The following PHACTR1 variants were observed in gnomAD, a reference collection of about 807,000 sequenced individuals.
PHACTR1 encodes RPEL repeat containing 1.
Under a neutral mutation model 69.2 loss-of-function variants are expected in PHACTR1, and 16 were observed. The observed-to-expected ratio is 0.23, with a 90% CI of 0.16 to 0.35. PHACTR1 has a LOEUF of 0.35. Ranked by LOEUF, PHACTR1 falls within the 10% of genes least tolerant of loss-of-function variation. PHACTR1 has a pLI of 1.00. For missense variants in PHACTR1, 510 were observed against 734.7 expected (o/e 0.69, Z 3.54); for synonymous variants, 312 against 284.5 (o/e 1.10, Z -0.97).
At chr6:12,740,129 T>A (rs1764850418) in intron 3 of PHACTR1, among the ~76,000 whole-genome samples, 1 of 152,226 alleles carries the variant, frequency 6.6e-6, no homozygotes, top group Non-Finnish European at 1.5e-5. Context: ...ACATCATATC[T>A]AAGAGATTCG....
intron 10 of PHACTR1, among the ~76,000 whole-genome samples, chr6:13,243,191 C>T (rs1437829939): frequency 1.3e-5 from 2 of 151,570 alleles, no homozygotes; most frequent in East Asian, 1.9e-4. Context: ...AGGTTTTTTT[C>T]CTCTTAAACT....
At chr6:12,784,016 T>C (rs1771163221) in intron 4 of PHACTR1, among the ~76,000 whole-genome samples, 1 of 151,988 alleles carries the variant, frequency 6.6e-6, no homozygotes, top group Non-Finnish European at 1.5e-5. Flanking sequence ...ATATACATGA[T>C]GATATGTACA....
rs117520855 is a variant in PHACTR1 at position 13,211,391 on chromosome 6, G to C, written c.986+5255G>C. Among the ~76,000 whole-genome samples the C allele has an allele frequency of 6.8e-3, 1,034 of 151,758 alleles. 14 individuals are homozygous for C. Among genetic ancestry groups the C allele is most frequent in the East Asian group, 0.034 (173 of 5,162 alleles). On this transcript the variant is annotated intron_variant, in intron 8 of 14. Coordinates refer to ENST00000332995, the MANE Select transcript of PHACTR1 (RefSeq NM_030948.6). The stretch of plus-strand genomic sequence containing the variant: ...CTGCAGTAAGCTCCGTGATCTAGTT[G>C]GCATCAATCCTAGAAGTCAGATGTA...
At chr6:12,718,926 A>C in intron 3 of PHACTR1, 79 bp downstream of exon 3, 1 of 792,738 alleles carries the variant, frequency 1.3e-6, no homozygotes, top group Non-Finnish European at 1.9e-6. Flanking sequence ...GTAGCTGTTA[A>C]AGCCTTGCTC....
intron 8 of PHACTR1, 135 bp downstream of exon 8, chr6:13,206,271 G>A: frequency 1.0e-6 from 1 of 1,003,966 alleles, no homozygotes; most frequent in Non-Finnish European, 1.4e-6. Context: ...AAAGTAAAAT[G>A]AGACAAAAAA....
intron 5 of PHACTR1, among the ~76,000 whole-genome samples, chr6:13,076,025 A>ATTTTTTTTTTTTTTTTTTTTTTTTTTT (rs1449439163): frequency 8.7e-6 from 1 of 115,550 alleles, no homozygotes. Flanking sequence ...GCAAGGGAGC[A>ATTTTTTTTTTTTTTTTTTTTTTTTTTT]TCTTTTTTTT....
chr6:12,954,085 G>A (rs1032441067), intron 4 of PHACTR1, among the ~76,000 whole-genome samples: 1 of 152,136 alleles, frequency 6.6e-6, no homozygotes, highest in Non-Finnish European at 1.5e-5. Flanking sequence ...GAAAGATTTC[G>A]CTATTTGGTA....
At chr6:13,070,793 A>G (rs1478179400) in intron 5 of PHACTR1, among the ~76,000 whole-genome samples, 1 of 149,676 alleles carries the variant, frequency 6.7e-6, no homozygotes, top group South Asian at 2.2e-4. Flanking sequence ...TATATGATGT[A>G]TATGAATTTG....
chr6:12,727,264 G>A (rs1377360947), intron 3 of PHACTR1, among the ~76,000 whole-genome samples: 2 of 152,140 alleles, frequency 1.3e-5, no homozygotes, highest in African/African-American at 2.4e-5. Context: ...AAAAAGTATC[G>A]TGGAGCTAGC....
At chr6:13,186,630 A>G (rs1259712280) in intron 7 of PHACTR1, among the ~76,000 whole-genome samples, 1 of 152,242 alleles carries the variant, frequency 6.6e-6, no homozygotes, top group Admixed American at 6.5e-5. Context: ...CATGTAGTAC[A>G]TATTTATTCA....
intron 10 of PHACTR1, among the ~76,000 whole-genome samples, chr6:13,238,437 A>G (rs562601840): frequency 6.6e-6 from 1 of 152,360 alleles, no homozygotes; most frequent in East Asian, 1.9e-4. Context: ...TTAGAATTTC[A>G]TAATATGCTA....
intron 4 of PHACTR1, among the ~76,000 whole-genome samples, chr6:12,959,202 A>AAAAG (rs369394789): frequency 0.037 from 2,543 of 68,856 alleles, 172 homozygotes; most frequent in African/African-American, 0.23. Flanking sequence ...AAAAGAAAAG[A>AAAAG]AAAAAAAAAG....
At chr6:12,987,995 C>T (rs1215652586) in intron 4 of PHACTR1, among the ~76,000 whole-genome samples, 1 of 152,136 alleles carries the variant, frequency 6.6e-6, no homozygotes, top group Non-Finnish European at 1.5e-5. Flanking sequence ...GGCCCCTTGG[C>T]AGCCACTGGT....
chr6:12,759,243 C>T (rs1485254321), intron 4 of PHACTR1, among the ~76,000 whole-genome samples: 1 of 150,666 alleles, frequency 6.6e-6, no homozygotes, highest in African/African-American at 2.4e-5. Context: ...CTCCAAAATA[C>T]ACTTAAGGTG....
At chr6:13,124,722 G>A (rs1047600784) in intron 5 of PHACTR1, among the ~76,000 whole-genome samples, 7 of 152,180 alleles carry the variant, frequency 4.6e-5, no homozygotes, top group East Asian at 3.8e-4. Context: ...AAGGGTGCCC[G>A]CATGGTGGGG....
rs140062066 is a variant in PHACTR1, at chr6:13,093,838, C to T, written c.415+40309C>T. 4.0e-3 allele frequency among the ~76,000 whole-genome samples: 613 copies of T among 152,278 alleles called. 3 individuals carry two copies. The highest frequency in any genetic ancestry group is 0.014 in the African/African-American group (586 of 41,562). On this transcript the variant is annotated intron_variant, in intron 5 of 14. Coordinates refer to ENST00000332995, the MANE Select transcript of PHACTR1 (RefSeq NM_030948.6). ...TTGAATGCTGGACAGAATCTGATTTCGAAGAGCCAGTCTTTCACCAAGGTC... is the reference window on the plus strand; with the variant it reads ...TTGAATGCTGGACAGAATCTGATTTTGAAGAGCCAGTCTTTCACCAAGGTC...
intron 5 of PHACTR1, among the ~76,000 whole-genome samples, chr6:13,157,634 C>T (rs1311677856): frequency 2.0e-5 from 3 of 152,188 alleles, no homozygotes; most frequent in Admixed American, 6.5e-5. Context: ...CTTCCTTTAG[C>T]GCTGTAGACC....
chr6:13,030,645 C>T (rs1038042740), intron 4 of PHACTR1, among the ~76,000 whole-genome samples: 1 of 152,204 alleles, frequency 6.6e-6, no homozygotes, highest in Non-Finnish European at 1.5e-5. Context: ...TCAAAATGAT[C>T]TGTTTGTATT....
intron 4 of PHACTR1, among the ~76,000 whole-genome samples, chr6:12,897,591 T>C (rs1406985792): frequency 6.6e-6 from 1 of 152,158 alleles, no homozygotes; most frequent in Non-Finnish European, 1.5e-5. Context: ...CTCTCTTTTA[T>C]TTATATCCTC....
Sources: gnomAD v4.1 joint callset for allele counts (sites outside exome capture counted in the v4.1 genomes callset) on GRCh38, gnomAD v4.1.1 for gene constraint, MANE v1.5 for transcripts, NCBI Gene and HGNC (gene_info 2026-07-23, HGNC 2026-07-21) for gene names.